Variants in MARCHF1 observed in about 807,000 individuals in gnomAD.
The protein encoded by MARCHF1 is membrane associated ring-CH-type finger 1, also known as E3 ubiquitin-protein ligase MARCHF1.
In MARCHF1, 40 loss-of-function variants were observed where a neutral mutation model predicts 54.2. The ratio of observed to expected loss-of-function variants is 0.74; its 90% CI spans 0.57 to 0.96. The LOEUF (loss-of-function observed/expected upper bound fraction) is 0.96, where lower values mean the gene tolerates loss of function less well. Among genes scored for constraint, MARCHF1 ranks in the 40% least tolerant of loss-of-function variants. The pLI is 0.00. For missense variants in MARCHF1, 586 were observed against 656.5 expected (o/e 0.89, Z 1.17); for synonymous variants, 236 against 236.3 (o/e 1.00, Z 0.01).
intron 2 of MARCHF1, among the ~76,000 whole-genome samples, chr4:164,021,684 G>A (rs931468229): frequency 6.6e-6 from 1 of 151,866 alleles, no homozygotes; most frequent in Non-Finnish European, 1.5e-5. Flanking sequence ...GTGAAACCCT[G>A]TCTCTACTAA....
intron 1 of MARCHF1, among the ~76,000 whole-genome samples, chr4:164,372,111 C>A (rs893919688): frequency 2.0e-5 from 3 of 152,154 alleles, no homozygotes; most frequent in Non-Finnish European, 4.4e-5. Flanking sequence ...TTATATTTCA[C>A]TCAAATGATG....
At chr4:163,871,325 G>A (rs1007189647) in intron 3 of MARCHF1, among the ~76,000 whole-genome samples, 1 of 152,178 alleles carries the variant, frequency 6.6e-6, no homozygotes, top group Admixed American at 6.5e-5. Flanking sequence ...CTCTGGCACA[G>A]TTAGGGTGTT....
intron 7 of MARCHF1, among the ~76,000 whole-genome samples, chr4:163,608,924 T>C (rs773775699): frequency 6.6e-6 from 1 of 152,026 alleles, no homozygotes; most frequent in African/African-American, 2.4e-5. Context: ...CTAGAGATCA[T>C]ATATATCTTT....
chr4:163,550,883 G>A (rs891839832), intron 8 of MARCHF1, among the ~76,000 whole-genome samples: 1 of 152,154 alleles, frequency 6.6e-6, no homozygotes, highest in Non-Finnish European at 1.5e-5. Flanking sequence ...AGTATTTTGA[G>A]CCCCACACCA....
intron 8 of MARCHF1, among the ~76,000 whole-genome samples, chr4:163,574,979 C>A (rs377191421): frequency 4.6e-5 from 7 of 151,994 alleles, no homozygotes; most frequent in African/African-American, 1.7e-4. Flanking sequence ...TTTGTATCCT[C>A]TTTTATTTCA....
At chr4:164,321,387 T>C (rs1001501322) in intron 1 of MARCHF1, among the ~76,000 whole-genome samples, 2 of 151,952 alleles carry the variant, frequency 1.3e-5, no homozygotes, top group Non-Finnish European at 2.9e-5. Context: ...CTATAGTAGA[T>C]TGAAAAATCA....
intron 3 of MARCHF1, among the ~76,000 whole-genome samples, chr4:163,930,862 T>C (rs114500302): frequency 0.012 from 1,823 of 152,210 alleles, 21 homozygotes; most frequent in South Asian, 0.055. Context: ...TGAATGTACT[T>C]TGCATGAAAT....
At chr4:163,912,440 G>A (rs777489886) in intron 3 of MARCHF1, among the ~76,000 whole-genome samples, 9 of 152,146 alleles carry the variant, frequency 5.9e-5, no homozygotes, top group South Asian at 2.1e-4. Context: ...AGGTAGCTCC[G>A]TGGGATGGGA....
chr4:163,970,057 G>A (rs564855064), intron 3 of MARCHF1, among the ~76,000 whole-genome samples: 5 of 152,140 alleles, frequency 3.3e-5, no homozygotes, highest in African/African-American at 1.2e-4. Context: ...CATATTCAGA[G>A]GGCCCGAGAG....
chr4:163,998,284 A>G (rs944676997), intron 2 of MARCHF1, among the ~76,000 whole-genome samples: 9 of 151,386 alleles, frequency 5.9e-5, no homozygotes, highest in African/African-American at 1.7e-4. Flanking sequence ...AGTCATTCAG[A>G]TTTTTAAAAA....
At chr4:164,030,350 A>C (rs530971930) in intron 2 of MARCHF1, among the ~76,000 whole-genome samples, 11 of 152,308 alleles carry the variant, frequency 7.2e-5, no homozygotes, top group Admixed American at 4.6e-4. Flanking sequence ...AAAAATGAAG[A>C]AGCATTTTTA....
At chr4:164,067,971 T>G (rs1231363164) in intron 2 of MARCHF1, among the ~76,000 whole-genome samples, 1 of 151,962 alleles carries the variant, frequency 6.6e-6, no homozygotes, top group South Asian at 2.1e-4. Context: ...TATGAAAAAA[T>G]GCTTATTATC....
intron 3 of MARCHF1, among the ~76,000 whole-genome samples, chr4:163,907,682 A>C (rs1431835503): frequency 6.6e-6 from 1 of 152,086 alleles, no homozygotes; most frequent in African/African-American, 2.4e-5. Flanking sequence ...AATGAATTGG[A>C]ATTGCAATTT....
At chr4:164,174,898 T>G (rs1211283700) in intron 1 of MARCHF1, among the ~76,000 whole-genome samples, 1 of 152,154 alleles carries the variant, frequency 6.6e-6, no homozygotes, top group Non-Finnish European at 1.5e-5. Flanking sequence ...GAAGAGAGTT[T>G]TTTTTGTTTT....
intron 7 of MARCHF1, among the ~76,000 whole-genome samples, chr4:163,605,013 T>C (rs1560969206): frequency 6.6e-6 from 1 of 152,124 alleles, no homozygotes; most frequent in Non-Finnish European, 1.5e-5. Flanking sequence ...ATGACACCAT[T>C]ACTGTCTATT....
chr4:164,207,417 C>T (rs1731638536), intron 1 of MARCHF1, among the ~76,000 whole-genome samples: 1 of 152,188 alleles, frequency 6.6e-6, no homozygotes, highest in African/African-American at 2.4e-5. Flanking sequence ...GGGAAGAAAA[C>T]AGGCAGTATT....
intron 5 of MARCHF1, among the ~76,000 whole-genome samples, chr4:163,667,117 T>C (rs1225086645): frequency 6.6e-6 from 1 of 152,174 alleles, no homozygotes; most frequent in East Asian, 1.9e-4. Flanking sequence ...CTTGCAGACA[T>C]TCTGATAAGG....
chr4:164,309,987 T>C (rs1383916717), intron 1 of MARCHF1, among the ~76,000 whole-genome samples: 1 of 152,078 alleles, frequency 6.6e-6, no homozygotes, highest in Non-Finnish European at 1.5e-5. Flanking sequence ...CATGTTCCTT[T>C]TTTTTAATTA....
chr4:163,649,461 A>G (rs1364012455), intron 5 of MARCHF1, among the ~76,000 whole-genome samples: 1 of 152,050 alleles, frequency 6.6e-6, no homozygotes, highest in Non-Finnish European at 1.5e-5. Context: ...TTCCAAATCT[A>G]TCAACCAGAG....
Sources: gnomAD v4.1 joint callset for allele counts (sites outside exome capture counted in the v4.1 genomes callset) on GRCh38, gnomAD v4.1.1 for gene constraint, MANE v1.5 for transcripts, NCBI Gene and HGNC (gene_info 2026-07-23, HGNC 2026-07-21) for gene names.